The following XPNPEP3 variants were observed in gnomAD, a reference collection of about 807,000 sequenced individuals.
XPNPEP3 encodes the protein xaa-Pro aminopeptidase 3.
Under a neutral mutation model 60.0 loss-of-function variants are expected in XPNPEP3, and 41 were observed. The observed-to-expected ratio is 0.68, with a 90% CI of 0.53 to 0.89. The LOEUF is 0.89. Among genes scored for constraint, XPNPEP3 ranks in the 40% least tolerant of loss-of-function variants. The pLI is 0.00. For missense variants in XPNPEP3, 598 were observed against 638.9 expected (o/e 0.94, Z 0.69); for synonymous variants, 212 against 223.2 (o/e 0.95, Z 0.45).
At chr22:40,905,161 C>T (rs979102676) in intron 4 of XPNPEP3, among the ~76,000 whole-genome samples, 4 of 151,718 alleles carry the variant, frequency 2.6e-5, no homozygotes, top group African/African-American at 4.8e-5. Flanking sequence ...CTCACTGCAA[C>T]CACTATCTCC....
At chr22:40,883,798 GT>G (rs756336236) in intron 3 of XPNPEP3, among the ~76,000 whole-genome samples, 5 of 152,012 alleles carry the variant, frequency 3.3e-5, no homozygotes, top group Non-Finnish European at 7.4e-5. Context: ...ACTATCTTTA[GT>G]AATTCTTAAA....
chr22:40,908,970 A>G, intron 5 of XPNPEP3, 152 bp from the exon 6 acceptor site: 1 of 693,224 alleles, frequency 1.4e-6, no homozygotes, highest in Non-Finnish European at 2.7e-6. Context: ...GACTGAAATT[A>G]CAGCATAAAA....
rs943493873 is a variant in XPNPEP3, at chr22:40,926,098, A to G, written c.1358-171A>G. ...CAACATGTGTTGACCATTATATGCC[A>G]GCCACTTTGACATGTATTATCTCAT... On this transcript the variant is annotated intron_variant, in intron 9 of 9. Transcript: ENST00000357137. Among the ~76,000 whole-genome samples, 2 of 152,194 alleles carry G rather than the reference A, an allele frequency of 1.3e-5. 1 individual carries two copies. The highest frequency in any genetic ancestry group is 2.9e-5 in the Non-Finnish European group (2 of 68,038).
intron 6 of XPNPEP3, among the ~76,000 whole-genome samples, chr22:40,911,841 A>G (rs933059600): frequency 3.3e-5 from 5 of 152,090 alleles, no homozygotes; most frequent in African/African-American, 1.2e-4. Flanking sequence ...TGCCCGTCCT[A>G]TTGTAATTCC....
chr22:40,873,789 C>T (rs1466025999), intron 2 of XPNPEP3, among the ~76,000 whole-genome samples: 2 of 151,294 alleles, frequency 1.3e-5, no homozygotes, highest in South Asian at 2.1e-4. Flanking sequence ...CGAGCAAGAC[C>T]GTCTCAAAAA....
At chr22:40,862,386 T>C (rs2057955652) in intron 1 of XPNPEP3, 1 of 995,016 alleles carries the variant, frequency 1.0e-6, no homozygotes, top group Non-Finnish European at 1.2e-6. Context: ...TTGCATAATA[T>C]GACCTCTAGA....
intron 2 of XPNPEP3, among the ~76,000 whole-genome samples, chr22:40,875,526 A>G (rs995757125): frequency 2.6e-5 from 4 of 152,134 alleles, no homozygotes; most frequent in Admixed American, 6.6e-5. Flanking sequence ...CCTGTTTTTT[A>G]CTTACATGTC....
intron 2 of XPNPEP3, among the ~76,000 whole-genome samples, chr22:40,876,221 A>G (rs2058027340): frequency 6.6e-6 from 1 of 152,200 alleles, no homozygotes; most frequent in South Asian, 2.1e-4. Flanking sequence ...TGAAAAAGCC[A>G]AAGACTTCCA....
At chr22:40,883,392 C>CA (rs1305135113) in intron 3 of XPNPEP3, among the ~76,000 whole-genome samples, 4 of 152,010 alleles carry the variant, frequency 2.6e-5, no homozygotes, top group Non-Finnish European at 5.9e-5. Context: ...CTCACTCTGT[C>CA]ACCCAGGTTG....
rs2058250791 is a variant in XPNPEP3, at chr22:40,930,434, A to C, written c.*3999A>C. On this transcript the variant is annotated 3_prime_UTR_variant, in exon 10 of 10. Transcript: ENST00000357137. ...GTGAGCCACTGCACCCAGCCTTTTT[A>C]AAGTTTTTAATTGACATATAATTGT... 6.6e-6 allele frequency: 1 copy of C among 151,672 alleles called. No individual in the cohort carries two copies. The highest frequency in any genetic ancestry group is 2.1e-4 in the South Asian group (1 of 4,810). 9.4% of individuals were successfully genotyped at this position (151,672 alleles called of 1,614,324 possible).
intron 2 of XPNPEP3, among the ~76,000 whole-genome samples, chr22:40,878,521 C>G (rs2058035828): frequency 6.6e-6 from 1 of 151,634 alleles, no homozygotes; most frequent in Admixed American, 6.6e-5. Context: ...TGAGAGATAA[C>G]ACATAGTTAT....
In XPNPEP3 at chr22:40,927,015, T is replaced by G. The variant is rs2058236781; in HGVS notation, c.*580T>G. The G allele has an allele frequency of 1.3e-5, 2 of 158,720 alleles. No individual in the cohort carries two copies. Among genetic ancestry groups the G allele is most frequent in the African/African-American group, 4.8e-5 (2 of 41,484 alleles). 9.8% of individuals were successfully genotyped at this position (158,720 alleles called of 1,614,324 possible). A position where few individuals can be genotyped will look rare whatever the true frequency, so the allele number is the denominator to read the frequency against. On this transcript the variant is annotated 3_prime_UTR_variant, in exon 10 of 10. Transcript: ENST00000357137. ...TCAGGGGCACTGGTGTCCTGCAGTC[T>G]TACTAGTCAGCCACAGTCCAGGTTC... is the stretch of plus-strand genomic sequence containing the variant.
At chr22:40,901,590 T>C (rs1275159475) in intron 4 of XPNPEP3, among the ~76,000 whole-genome samples, 1 of 152,180 alleles carries the variant, frequency 6.6e-6, no homozygotes, top group African/African-American at 2.4e-5. Flanking sequence ...CTCATGCCTG[T>C]AGGCCCAGCT....
At chr22:40,872,330 G>T (rs965344419) in intron 2 of XPNPEP3, among the ~76,000 whole-genome samples, 1 of 152,160 alleles carries the variant, frequency 6.6e-6, no homozygotes, top group Non-Finnish European at 1.5e-5. Flanking sequence ...GCTAAGGTCT[G>T]TATCGGTAGA....
intron 1 of XPNPEP3, among the ~76,000 whole-genome samples, chr22:40,863,123 A>G (rs1015965166): frequency 6.6e-6 from 1 of 152,202 alleles, no homozygotes; most frequent in African/African-American, 2.4e-5. Context: ...ACATAAAGCT[A>G]GCACTTATTT....
intron 5 of XPNPEP3, among the ~76,000 whole-genome samples, chr22:40,908,711 G>GT (rs1011224729): frequency 6.6e-6 from 1 of 152,186 alleles, no homozygotes; most frequent in Non-Finnish European, 1.5e-5. Flanking sequence ...TGTTAAAAAT[G>GT]TAAGTCACAT....
intron 4 of XPNPEP3, among the ~76,000 whole-genome samples, chr22:40,901,624 G>A (rs1226008326): frequency 1.3e-5 from 2 of 152,132 alleles, no homozygotes; most frequent in African/African-American, 4.8e-5. Flanking sequence ...AGCTACTTGC[G>A]CTACCACGCC....
At chr22:40,879,476 C>A (rs2058039354) in intron 2 of XPNPEP3, among the ~76,000 whole-genome samples, 2 of 152,212 alleles carry the variant, frequency 1.3e-5, no homozygotes, top group Admixed American at 1.3e-4. Context: ...GAGGCCGAGG[C>A]AGGCAGATTG....
intron 2 of XPNPEP3, among the ~76,000 whole-genome samples, chr22:40,879,448 G>A (rs1335452604): frequency 6.6e-6 from 1 of 152,204 alleles, no homozygotes; most frequent in Non-Finnish European, 1.5e-5. Flanking sequence ...GGTCACACCT[G>A]TAAACCCAAC....
Sources: gnomAD v4.1 joint callset for allele counts (sites outside exome capture counted in the v4.1 genomes callset) on GRCh38, gnomAD v4.1.1 for gene constraint, MANE v1.5 for transcripts, NCBI Gene and HGNC (gene_info 2026-07-23, HGNC 2026-07-21) for gene names.